LLGL2: variants seen among roughly 807,000 people sequenced by gnomAD.
LLGL2 encodes LLGL scribble cell polarity complex component 2.
LLGL2 carries 81 observed loss-of-function variants against 123.2 expected under a neutral mutation model. That is an observed-to-expected ratio of 0.66 (90% confidence interval 0.55 to 0.79). The LOEUF (loss-of-function observed/expected upper bound fraction) is 0.79. Among genes scored for constraint, LLGL2 ranks in the 30% least tolerant of loss-of-function variants. LLGL2 has a pLI of 0.00. For missense variants in LLGL2, 1,273 were observed against 1,414.6 expected, an observed-to-expected ratio of 0.90 and a Z score of 1.61; for synonymous variants, 577 against 594.1, an observed-to-expected ratio of 0.97 and a Z score of 0.42.
intron 10 of LLGL2, among the ~76,000 whole-genome samples, chr17:75,565,729 G>A (rs913151849): frequency 5.9e-5 from 9 of 152,164 alleles, no homozygotes; most frequent in East Asian, 1.9e-4. Flanking sequence ...CCAACTCCCC[G>A]CAGTCCCGCA....
chr17:75,566,392 A>G (rs1377192333), intron 10 of LLGL2, among the ~76,000 whole-genome samples: 2 of 152,232 alleles, frequency 1.3e-5, no homozygotes, highest in African/African-American at 2.4e-5. Context: ...AGGTGACCTC[A>G]GCTTGGGCTG....
Position 75,571,816 on chromosome 17 carries a change from C to G in LLGL2, c.2293+33C>G, listed in dbSNP as rs984350434. 4 of 1,603,266 alleles carry G rather than the reference C, an allele frequency of 2.5e-6. No individual in the cohort carries two copies. In the African/African-American group the frequency reaches 5.3e-5, roughly 21 times the overall value. On this transcript the variant is annotated intron_variant, in intron 18 of 25. Coordinates refer to ENST00000392550, the MANE Select transcript of LLGL2 (RefSeq NM_001031803.2). ...CTGGGCAGGGAGAGCAGAGGGTGCTCGGGCTGCCTGGGCTGGGTCCAGGGA... is the reference window on the plus strand; with the variant it reads ...CTGGGCAGGGAGAGCAGAGGGTGCTGGGGCTGCCTGGGCTGGGTCCAGGGA...
Position 75,570,511 on chromosome 17 carries a change from G to A in LLGL2, c.2025+13G>A, listed in dbSNP as rs762490027. On this transcript the variant is annotated intron_variant, in intron 16 of 25. Transcript: ENST00000392550. ...CCCCCCAGGAGAGGTGAGGCCTGAG[G>A]TGAGGCTGCGGCCGGCCACGCACCC... 38 of 1,560,848 alleles carry A rather than the reference G, an allele frequency of 2.4e-5. No individual in the cohort carries two copies. The highest frequency in any genetic ancestry group is 2.9e-5 in the Non-Finnish European group (34 of 1,154,314).
chr17:75,560,451 C>T (rs1169350246), intron 6 of LLGL2, among the ~76,000 whole-genome samples: 1 of 152,072 alleles, frequency 6.6e-6, no homozygotes, highest in Non-Finnish European at 1.5e-5. Context: ...GCCCTGAGAG[C>T]CCCTCCTGCC....
At chr17:75,527,665 A>G (rs1052423396) in intron 1 of LLGL2, among the ~76,000 whole-genome samples, 8 of 151,696 alleles carry the variant, frequency 5.3e-5, no homozygotes, top group Non-Finnish European at 1.2e-4. Flanking sequence ...GGATCTCACC[A>G]TATGTTGCCC....
At chr17:75,550,109 T>C (rs2147271858) in intron 2 of LLGL2, among the ~76,000 whole-genome samples, 1 of 152,310 alleles carries the variant, frequency 6.6e-6, no homozygotes, top group South Asian at 2.1e-4. Context: ...GTCAGCCTCC[T>C]GGTTTGAATC....
At chr17:75,533,146 C>T (rs1016674289) in intron 1 of LLGL2, among the ~76,000 whole-genome samples, 9 of 150,934 alleles carry the variant, frequency 6.0e-5, no homozygotes, top group African/African-American at 1.7e-4. Flanking sequence ...ACTACAGGCT[C>T]CCGCCACCAC....
Position 75,558,380 on chromosome 17 carries a change from A to T in LLGL2, c.256-132A>T. 3 of 1,150,850 alleles carry T rather than the reference A, an allele frequency of 2.6e-6. No homozygotes were observed. The African/African-American group carries it at 4.6e-5, about 18-fold the overall frequency. 71.3% of individuals were successfully genotyped at this position (1,150,850 alleles called of 1,614,324 possible). A position where few individuals can be genotyped will look rare whatever the true frequency, so the allele number is the denominator to read the frequency against. ...AAGACCTGGGACCCCCTCCCTTTCCACAGCTGGGGCTCATGGGCCACCCTG... is the reference window on the plus strand; with the variant it reads ...AAGACCTGGGACCCCCTCCCTTTCCTCAGCTGGGGCTCATGGGCCACCCTG... On this transcript the variant is annotated intron_variant, in intron 4 of 25. Transcript: ENST00000392550. This position sits in a 1 kb window ranked among gnomAD's most constrained non-coding sequence, Gnocchi z 4.0.
chr17:75,547,898 A>G (rs2054498102), intron 2 of LLGL2, among the ~76,000 whole-genome samples: 1 of 151,910 alleles, frequency 6.6e-6, no homozygotes, highest in African/African-American at 2.4e-5. Flanking sequence ...AGTGTAGGTG[A>G]ATGAAGGTTG....
chr17:75,530,344 T>A (rs1020397483), intron 1 of LLGL2, among the ~76,000 whole-genome samples: 2 of 151,980 alleles, frequency 1.3e-5, no homozygotes, highest in African/African-American at 4.8e-5. Flanking sequence ...CTACAAAAAT[T>A]TTTTTAAAAA....
At chr17:75,573,704 C>T in intron 21 of LLGL2, 73 bp downstream of exon 21, 1 of 1,432,554 alleles carries the variant, frequency 7.0e-7, no homozygotes, top group Non-Finnish European at 9.4e-7. Context: ...CCGAGGCTCC[C>T]ACTGCTGCCT....
chr17:75,562,738 T>G, intron 6 of LLGL2: 1 of 438,232 alleles, frequency 2.3e-6, no homozygotes, highest in Non-Finnish European at 4.2e-6. Flanking sequence ...CCAGCTAATG[T>G]TTTATATTTT....
intron 1 of LLGL2, among the ~76,000 whole-genome samples, chr17:75,539,696 C>G (rs1274291831): frequency 6.6e-6 from 1 of 151,774 alleles, no homozygotes; most frequent in Non-Finnish European, 1.5e-5. Flanking sequence ...TAACCTCCAC[C>G]TCCCAGGTTC....
Position 75,573,602 on chromosome 17 carries a change from G to C in LLGL2, c.2847G>C (p.Ala949=). The change falls in exon 21 of 26, where the codon GCG becomes GCC. Residue 949 remains alanine, a synonymous_variant. Transcript: ENST00000392550. ...ETKNHRPGNG[A]GPKKAPSRAR... ...AGAACCACCGCCCTGGTAACGGTGC[G>C]GGCCCCAAGAAGGCCCCGAGCCGAG... 1 of 1,611,128 alleles carries C rather than the reference G, an allele frequency of 6.2e-7. No individual in the cohort carries two copies. Among genetic ancestry groups the C allele is most frequent in the East Asian group, 2.2e-5 (1 of 44,862 alleles).
chr17:75,565,590 G>T (rs538219321), intron 10 of LLGL2, among the ~76,000 whole-genome samples: 1 of 152,336 alleles, frequency 6.6e-6, no homozygotes, highest in South Asian at 2.1e-4. Context: ...CACTCCCCGG[G>T]CTAACTGAGT....
intron 15 of LLGL2, 38 bp downstream of exon 15, chr17:75,570,293 G>A (rs1269886767): frequency 6.3e-7 from 1 of 1,598,844 alleles, no homozygotes; most frequent in East Asian, 2.3e-5. Flanking sequence ...CTGGGAGTGG[G>A]GCCCGCGAGG....
At position 75,563,481 on chromosome 17, in the gene LLGL2, C is replaced by T. The variant is rs149471472; in HGVS notation, c.826+18C>T. The T allele has an allele frequency of 2.9e-4, 466 of 1,610,858 alleles. No individual in the cohort carries two copies. The African/African-American group carries it at 3.5e-3, about 12-fold the overall frequency. On this transcript the variant is annotated intron_variant, in intron 8 of 25. Coordinates refer to ENST00000392550, the MANE Select transcript of LLGL2 (RefSeq NM_001031803.2). ...GCCTTACGGTCAGTGTTTCACCCGC[C>T]GGGCAGGGCCCACCCCCAGTGCCTC...
intron 19 of LLGL2, 125 bp from the exon 20 acceptor site, chr17:75,572,889 A>G (rs1418849722): frequency 1.1e-5 from 13 of 1,170,962 alleles, no homozygotes; most frequent in African/African-American, 1.5e-5. Flanking sequence ...ATGTCTGTGC[A>G]TCTGAGAGCC....
chr17:75,574,715 G>A, intron 25 of LLGL2, 47 bp downstream of exon 25: 5 of 1,603,636 alleles, frequency 3.1e-6, no homozygotes, highest in Non-Finnish European at 2.6e-6. Flanking sequence ...GCTGGGAAGG[G>A]CTGGGAGGAA....
Sources: gnomAD v4.1 joint callset for allele counts (sites outside exome capture counted in the v4.1 genomes callset) on GRCh38, gnomAD v4.1.1 for gene constraint, Gnocchi (gnomAD v3.1) non-coding constraint, MANE v1.5 for transcripts, NCBI Gene and HGNC (gene_info 2026-07-23, HGNC 2026-07-21) for gene names.